CEP126: variants seen among roughly 807,000 people sequenced by gnomAD.
CEP126 encodes centrosomal protein of 126 kDa.
Under a neutral mutation model 107.8 loss-of-function variants are expected in CEP126, and 74 were observed. That is an observed-to-expected ratio of 0.69 (90% CI 0.57 to 0.83). The LOEUF is 0.83. Among genes scored for constraint, CEP126 ranks in the 40% least tolerant of loss-of-function variants. The pLI is 0.00. For missense variants in CEP126, 1,237 were observed against 1,281.9 expected (o/e 0.96, Z 0.53); for synonymous variants, 449 against 446.0 (o/e 1.01, Z -0.08).
At chr11:101,974,254 T>TA (rs2137121647) in intron 6 of CEP126, among the ~76,000 whole-genome samples, 1 of 152,308 alleles carries the variant, frequency 6.6e-6, no homozygotes, top group African/African-American at 2.4e-5. Flanking sequence ...ACTGCTATAC[T>TA]CTGTGTCATT....
At chr11:101,942,775 G>T (rs914161701) in intron 2 of CEP126, among the ~76,000 whole-genome samples, 1 of 151,748 alleles carries the variant, frequency 6.6e-6, no homozygotes, top group African/African-American at 2.4e-5. Context: ...ACATTTATTT[G>T]CATCTTTTTA....
intron 6 of CEP126, among the ~76,000 whole-genome samples, chr11:101,972,101 C>A (rs903844178): frequency 6.6e-6 from 1 of 151,426 alleles, no homozygotes; most frequent in African/African-American, 2.4e-5. Context: ...GAGCAAGACC[C>A]AGTCTCCAAA....
At chr11:101,922,323 T>C (rs957692239) in intron 1 of CEP126, among the ~76,000 whole-genome samples, 1 of 151,778 alleles carries the variant, frequency 6.6e-6, no homozygotes, top group African/African-American at 2.4e-5. Context: ...CACCACCACG[T>C]CCAGCTAATT....
intron 7 of CEP126, among the ~76,000 whole-genome samples, chr11:101,978,975 C>CA (rs1228930971): frequency 1.3e-5 from 2 of 151,452 alleles, no homozygotes; most frequent in Non-Finnish European, 2.9e-5. Context: ...ACTAAAAATA[C>CA]AAAAAAATTA....
intron 9 of CEP126, among the ~76,000 whole-genome samples, chr11:101,990,317 G>GC (rs1941363391): frequency 6.6e-6 from 1 of 152,026 alleles, no homozygotes; most frequent in African/African-American, 2.4e-5. Flanking sequence ...GGCATGAAGC[G>GC]CCCCCCATAC....
chr11:101,989,377 C>G (rs1161946648), intron 9 of CEP126, among the ~76,000 whole-genome samples: 1 of 151,984 alleles, frequency 6.6e-6, no homozygotes, highest in African/African-American at 2.4e-5. Context: ...GCATCCCTGG[C>G]CTTTACCCAC....
In CEP126 at chr11:101,992,816, A is replaced by T. The variant is rs762356019; in HGVS notation, c.3283A>T (p.Asn1095Tyr). Residue 1095 changes from asparagine to tyrosine, a missense_variant, in exon 10 of 11, where the codon AAT (asparagine) becomes TAT (tyrosine). Physicochemically the swap from Asn to Tyr is moderately radical, Grantham distance 143 (BLOSUM62 -2). Around this residue, in one of 3 missense-constraint regions of CEP126, gnomAD observed 99 missense variants for 114.4 expected, o/e 0.87. Coordinates refer to ENST00000263468, the MANE Select transcript of CEP126 (RefSeq NM_020802.4). ...ESICKNPSIK[N>Y]TLQIIPLLEK... ...CATTTGCAAAAACCCATCCATCAAA[A>T]ATACTTTACAAATAATACCACTTCT... is the stretch of plus-strand genomic sequence containing the variant. 1 of 1,539,416 alleles carries T rather than the reference A, an allele frequency of 6.5e-7. No homozygotes were observed. Among genetic ancestry groups the T allele is most frequent in the South Asian group, 1.3e-5 (1 of 78,532 alleles).
At chr11:101,915,520 A>G in intron 1 of CEP126, 108 bp downstream of exon 1, 5 of 1,355,610 alleles carry the variant, frequency 3.7e-6, no homozygotes, top group Non-Finnish European at 5.1e-6. Context: ...AAAACTAGCA[A>G]GTCATCTTAG....
At chr11:101,943,503 CTT>C (rs397705130) in intron 2 of CEP126, among the ~76,000 whole-genome samples, 4 of 141,206 alleles carry the variant, frequency 2.8e-5, no homozygotes, top group African/African-American at 1.0e-4. Context: ...CTTGCCTTTT[CTT>C]TTTTTTTTTT....
chr11:101,986,926 G>C lies in CEP126; in HGVS notation c.3129G>C (p.Gln1043His). The C allele has an allele frequency of 6.2e-7, 1 of 1,613,752 alleles. No individual in the cohort carries two copies. The highest frequency in any genetic ancestry group is 8.5e-7 in the Non-Finnish European group (1 of 1,179,820). Residue 1043 changes from glutamine (Q) to histidine (H), a missense_variant, in exon 9 of 11, where the codon CAG becomes CAC. Gln to His is a conservative substitution (Grantham distance 24, BLOSUM62 0). Coordinates refer to ENST00000263468, the MANE Select transcript of CEP126 (RefSeq NM_020802.4). Reference protein sequence around the residue: ...DEILTVLNSKQIQKSNLPLNK... With the variant: ...DEILTVLNSKHIQKSNLPLNK... ...TTCTGACTGTCTTGAATAGCAAACAGATACAGAAATCAAATCTACCTTTAA... is the reference window on the plus strand; with the variant it reads ...TTCTGACTGTCTTGAATAGCAAACACATACAGAAATCAAATCTACCTTTAA...
At chr11:101,994,358 A>G (rs1591298133) in intron 10 of CEP126, among the ~76,000 whole-genome samples, 1 of 152,180 alleles carries the variant, frequency 6.6e-6, no homozygotes, top group African/African-American at 2.4e-5. Context: ...GCTGTGCAGA[A>G]GCTCTTTAGT....
At chr11:101,947,094 A>G (rs985560304) in intron 3 of CEP126, among the ~76,000 whole-genome samples, 1 of 152,164 alleles carries the variant, frequency 6.6e-6, no homozygotes, top group Non-Finnish European at 1.5e-5. Flanking sequence ...ACCCTTACAT[A>G]ATAACATCCT....
At chr11:101,953,996 T>C (rs1256475110) in intron 4 of CEP126, among the ~76,000 whole-genome samples, 3 of 151,188 alleles carry the variant, frequency 2.0e-5, no homozygotes, top group South Asian at 2.1e-4. Flanking sequence ...TGTTATACTT[T>C]ATGTTAATTG....
intron 4 of CEP126, among the ~76,000 whole-genome samples, chr11:101,949,997 T>C (rs1423604703): frequency 6.6e-6 from 1 of 152,164 alleles, no homozygotes; most frequent in African/African-American, 2.4e-5. Flanking sequence ...TTTCTCCTTC[T>C]GGTACCTTCC....
intron 6 of CEP126, among the ~76,000 whole-genome samples, chr11:101,966,496 C>T (rs1238879718): frequency 2.0e-5 from 3 of 152,120 alleles, no homozygotes; most frequent in Non-Finnish European, 4.4e-5. Context: ...AAAACTCTTC[C>T]AATTAGATCC....
intron 4 of CEP126, among the ~76,000 whole-genome samples, chr11:101,955,478 A>G (rs542507384): frequency 7.4e-4 from 113 of 152,264 alleles, no homozygotes; most frequent in African/African-American, 2.6e-3. Flanking sequence ...ATTGACCTCT[A>G]TTTGCCCTTT....
At chr11:101,992,509 AT>A (rs1941397189) in intron 9 of CEP126, among the ~76,000 whole-genome samples, 1 of 152,116 alleles carries the variant, frequency 6.6e-6, no homozygotes, top group African/African-American at 2.4e-5. Flanking sequence ...AAAACGTAAT[AT>A]TTGAATGAAG....
intron 10 of CEP126, 154 bp downstream of exon 10, chr11:101,992,996 G>GT (rs1440241676): frequency 2.3e-6 from 1 of 437,448 alleles, no homozygotes; most frequent in African/African-American, 2.1e-5. Flanking sequence ...TTATAAGACT[G>GT]TTCATTAGAA....
chr11:101,926,460 C>T (rs1940413670), intron 2 of CEP126, among the ~76,000 whole-genome samples: 1 of 152,060 alleles, frequency 6.6e-6, no homozygotes, highest in African/African-American at 2.4e-5. Context: ...AACTTTTATG[C>T]CAATCTAAAG....
Sources: allele counts gnomAD v4.1 joint callset (sites outside exome capture counted in the v4.1 genomes callset), GRCh38; gene constraint gnomAD v4.1.1; regional missense constraint gnomAD v4.1.1; transcripts MANE v1.5; gene names NCBI Gene and HGNC (gene_info 2026-07-23, HGNC 2026-07-21).